Variants in CYB5R4 observed in about 807,000 individuals in gnomAD.
CYB5R4 encodes the protein N-terminal cytochrome b5 and cytochrome b5 oxidoreductase domain-containing protein.
CYB5R4 carries 55 observed loss-of-function variants against 70.2 expected under a neutral mutation model. The ratio of observed to expected loss-of-function variants is 0.78; its 90% CI spans 0.63 to 0.98. CYB5R4 has a LOEUF of 0.98. Ranked by LOEUF, CYB5R4 falls within the 50% of genes least tolerant of loss-of-function variation. The pLI, the probability that CYB5R4 is intolerant of heterozygous loss-of-function variation, is 0.00. For synonymous variants in CYB5R4, 197 were observed against 199.5 expected (o/e 0.99, Z 0.11); for missense variants, 562 against 612.6 (o/e 0.92, Z 0.87).
intron 7 of CYB5R4, 70 bp downstream of exon 7, chr6:83,919,524 A>G: frequency 1.3e-6 from 1 of 786,590 alleles, no homozygotes; most frequent in Non-Finnish European, 2.0e-6. Context: ...GTCTTTTTCT[A>G]AACACTTTTT....
At chr6:83,915,846 T>C (rs2099465419) in intron 5 of CYB5R4, among the ~76,000 whole-genome samples, 2 of 152,224 alleles carry the variant, frequency 1.3e-5, no homozygotes, top group South Asian at 2.1e-4. Context: ...CTTAAAATAC[T>C]GAATGGGTTG....
Position 83,959,957 on chromosome 6 carries a change from T to G in CYB5R4, c.*79T>G, listed in dbSNP as rs1041911934. 2 of 1,118,584 alleles carry G rather than the reference T, an allele frequency of 1.8e-6. No individual in the cohort carries two copies. Among genetic ancestry groups the G allele is most frequent in the African/African-American group, 1.6e-5 (1 of 62,152 alleles). 69.3% of individuals were successfully genotyped at this position (1,118,584 alleles called of 1,614,324 possible). ...TTAGGGTTTTTTAAGAGAACATTTTTGTACATAACAAAAGGTTAACTAGAA... is the reference window on the plus strand; with the variant it reads ...TTAGGGTTTTTTAAGAGAACATTTTGGTACATAACAAAAGGTTAACTAGAA... On this transcript the variant is annotated 3_prime_UTR_variant, in exon 16 of 16. Transcript: ENST00000369681.
intron 2 of CYB5R4, among the ~76,000 whole-genome samples, chr6:83,873,292 T>G (rs2099457954): frequency 7.1e-6 from 1 of 141,312 alleles, no homozygotes; most frequent in Admixed American, 7.7e-5. Context: ...CAGGCTGGAG[T>G]GCAGTAGCAT....
intron 14 of CYB5R4, 105 bp from the exon 15 acceptor site, chr6:83,955,189 TTATA>T (rs1226944521): frequency 3.6e-6 from 3 of 844,194 alleles, no homozygotes; most frequent in African/African-American, 1.7e-5. Flanking sequence ...AAGTGTATCT[TTATA>T]TATTAAATTG....
intron 14 of CYB5R4, among the ~76,000 whole-genome samples, chr6:83,941,884 C>CTA (rs1375390848): frequency 6.6e-6 from 1 of 152,100 alleles, no homozygotes; most frequent in Non-Finnish European, 1.5e-5. Context: ...GCCTAAAGAC[C>CTA]TAAATTCCAG....
At chr6:83,872,612 G>A (rs569934815) in intron 2 of CYB5R4, among the ~76,000 whole-genome samples, 1 of 152,308 alleles carries the variant, frequency 6.6e-6, no homozygotes, top group Admixed American at 6.5e-5. Context: ...AGATCACTGT[G>A]TTTTAGGATT....
At chr6:83,901,985 CTCTT>C (rs1189565525) in intron 3 of CYB5R4, among the ~76,000 whole-genome samples, 2 of 152,028 alleles carry the variant, frequency 1.3e-5, no homozygotes, top group African/African-American at 4.8e-5. Context: ...TGTCTTCACT[CTCTT>C]GATTGTTTCC....
At chr6:83,882,240 A>G (rs1470277605) in intron 2 of CYB5R4, among the ~76,000 whole-genome samples, 1 of 152,216 alleles carries the variant, frequency 6.6e-6, no homozygotes, top group African/African-American at 2.4e-5. Context: ...GTGAAAACTC[A>G]GGTGGAGACT....
At chr6:83,929,289 T>C (rs955553839) in intron 10 of CYB5R4, 2 of 152,198 alleles carry the variant, frequency 1.3e-5, no homozygotes, top group African/African-American at 4.8e-5. Context: ...TATGTATTGC[T>C]GTAATTATTG....
Position 83,917,998 on chromosome 6 carries a change from T to G in CYB5R4, c.446-7T>G. 4.4e-6 allele frequency: 7 copies of G among 1,608,486 alleles called. No individual in the cohort carries two copies. The highest frequency in any genetic ancestry group is 6.0e-6 in the Non-Finnish European group (7 of 1,175,902). On this transcript the variant is annotated splice_region_variant and splice_polypyrimidine_tract_variant and intron_variant, in intron 5 of 15. Transcript: ENST00000369681. ...TAGATGAACTATAGCTATCTTTCTTTGTAAAGGCATGCTTCCCAAGAGCCA... is the reference window on the plus strand; with the variant it reads ...TAGATGAACTATAGCTATCTTTCTTGGTAAAGGCATGCTTCCCAAGAGCCA...
rs2099473057 is a variant in CYB5R4, at chr6:83,959,934, A to T, written c.*56A>T. ...AGTTTATCTAAATTTGTGATTGCTT[A>T]GGGTTTTTTAAGAGAACATTTTTGT... On this transcript the variant is annotated 3_prime_UTR_variant, in exon 16 of 16. Coordinates refer to ENST00000369681, the MANE Select transcript of CYB5R4 (RefSeq NM_016230.4). 1.1e-5 allele frequency: 16 copies of T among 1,396,190 alleles called. No individual in the cohort carries two copies. Among genetic ancestry groups the T allele is most frequent in the Non-Finnish European group, 1.6e-5 (16 of 1,028,652 alleles). The allele number at this position is 1,396,190 out of a possible 1,614,324, so 86.5% of individuals were successfully genotyped here.
intron 3 of CYB5R4, among the ~76,000 whole-genome samples, chr6:83,897,910 G>A (rs2099462175): frequency 6.6e-6 from 1 of 152,106 alleles, no homozygotes. Flanking sequence ...GATCCCATTT[G>A]TCAATTTTGG....
intron 5 of CYB5R4, among the ~76,000 whole-genome samples, chr6:83,915,709 G>A (rs1263553282): frequency 6.6e-6 from 1 of 152,168 alleles, no homozygotes; most frequent in African/African-American, 2.4e-5. Flanking sequence ...TGTAAGATTG[G>A]AACATATCTG....
chr6:83,952,870 GATGTCAGT>G (rs1390456167), intron 14 of CYB5R4, among the ~76,000 whole-genome samples: 1 of 152,150 alleles, frequency 6.6e-6, no homozygotes, highest in African/African-American at 2.4e-5. Context: ...TTTGTCTTCT[GATGTCAGT>G]ATTGGGACTG....
intron 4 of CYB5R4, among the ~76,000 whole-genome samples, chr6:83,909,696 G>C (rs1248070759): frequency 6.6e-6 from 1 of 152,156 alleles, no homozygotes; most frequent in Non-Finnish European, 1.5e-5. Context: ...AAGGCAGAGA[G>C]TTGCCTCATT....
At chr6:83,903,642 G>A (rs1359017200) in intron 3 of CYB5R4, among the ~76,000 whole-genome samples, 1 of 151,990 alleles carries the variant, frequency 6.6e-6, no homozygotes, top group African/African-American at 2.4e-5. Flanking sequence ...AAATTTTACA[G>A]TGAATCCATC....
chr6:83,866,614 T>G (rs1293308936), intron 2 of CYB5R4, among the ~76,000 whole-genome samples: 4 of 151,804 alleles, frequency 2.6e-5, no homozygotes, highest in Admixed American at 6.6e-5. Context: ...AATCATGGTT[T>G]GTTTTTTTTT....
intron 1 of CYB5R4, among the ~76,000 whole-genome samples, chr6:83,861,222 G>A (rs887896232): frequency 6.6e-6 from 1 of 152,190 alleles, no homozygotes; most frequent in African/African-American, 2.4e-5. Context: ...CACACAGGGG[G>A]CGATGGCAAA....
chr6:83,900,034 C>T lies in CYB5R4; in HGVS notation c.330+6412C>T, dbSNP rs1053024936. 6.1e-4 allele frequency among the ~76,000 whole-genome samples: 92 copies of T among 152,044 alleles called. 2 individuals are homozygous for T. Among genetic ancestry groups the T allele is most frequent in the South Asian group, 2.3e-3 (11 of 4,820 alleles). Reference sequence around the variant, plus strand: ...CTTTTGAATGTGTTTGCTCTTGCTTCTCTAGTTCTTTTAATTGTGATGTTA... The same window carrying T: ...CTTTTGAATGTGTTTGCTCTTGCTTTTCTAGTTCTTTTAATTGTGATGTTA... On this transcript the variant is annotated intron_variant, in intron 3 of 15. Transcript: ENST00000369681.
Sources: allele counts gnomAD v4.1 joint callset (sites outside exome capture counted in the v4.1 genomes callset), GRCh38; gene constraint gnomAD v4.1.1; transcripts MANE v1.5; gene names NCBI Gene and HGNC (gene_info 2026-07-23, HGNC 2026-07-21).